Variants in VGLL4 observed in about 807,000 individuals in gnomAD.
VGLL4 encodes the protein vestigial like family member 4, also known as transcription cofactor vestigial-like protein 4.
VGLL4 carries 7 observed loss-of-function variants against 21.0 expected under a neutral mutation model. The observed-to-expected ratio is 0.33, with a 90% CI of 0.19 to 0.63. The LOEUF is 0.63. Ranked by LOEUF, VGLL4 falls within the 20% of genes least tolerant of loss-of-function variation. The pLI is 0.78. For synonymous variants in VGLL4, 222 were observed against 173.2 expected, an observed-to-expected ratio of 1.28 and a Z score of -2.21; for missense variants, 394 against 425.7, an observed-to-expected ratio of 0.93 and a Z score of 0.66.
chr3:11,586,142 A>C (rs2074356682), intron 2 of VGLL4, among the ~76,000 whole-genome samples: 1 of 152,238 alleles, frequency 6.6e-6, no homozygotes, highest in East Asian at 1.9e-4. Flanking sequence ...AAAAAATCTT[A>C]AAGTATAAAG....
intron 2 of VGLL4, among the ~76,000 whole-genome samples, chr3:11,583,433 G>A (rs1452181160): frequency 6.6e-6 from 1 of 152,160 alleles, no homozygotes; most frequent in Admixed American, 6.5e-5. Context: ...AATCTCAGGA[G>A]TGTAACTTTC....
Position 11,568,864 on chromosome 3 carries a change from C to T in VGLL4, c.273-3845G>A, listed in dbSNP as rs903076690. 9 of 1,370,832 alleles carry T rather than the reference C, an allele frequency of 6.6e-6. No homozygotes were observed. The highest frequency in any genetic ancestry group is 3.2e-5 in the Admixed American group (1 of 31,382). The allele number at this position is 1,370,832 out of a possible 1,614,324, so 84.9% of individuals were successfully genotyped here. A position where few individuals can be genotyped will look rare whatever the true frequency, so the allele number is the denominator to read the frequency against. On this transcript the variant is annotated intron_variant, in intron 2 of 4. Transcript: ENST00000430365. The surrounding 1 kb of genome is among the most constrained non-coding windows in gnomAD (Gnocchi z 5.9). ...GGCTCCGTGCCAGGCCTATCAGAGC[C>T]GCTGAGGCTGCACGGCACCCGGCCC... is the stretch of plus-strand genomic sequence containing the variant.
At chr3:11,693,387 C>G (rs1386924032) in intron 2 of VGLL4, among the ~76,000 whole-genome samples, 1 of 152,034 alleles carries the variant, frequency 6.6e-6, no homozygotes, top group Non-Finnish European at 1.5e-5. Flanking sequence ...ACCATATGCA[C>G]CAAATGGTAG....
At chr3:11,669,739 G>T (rs182585621) in intron 2 of VGLL4, among the ~76,000 whole-genome samples, 2 of 152,138 alleles carry the variant, frequency 1.3e-5, no homozygotes, top group Admixed American at 1.3e-4. Context: ...GAGAACAATG[G>T]TGTGATCACA....
chr3:11,626,386 ACT>A (rs1384661914), intron 1 of VGLL4: 1 of 456,842 alleles, frequency 2.2e-6, no homozygotes. Context: ...TCCAAGTGCC[ACT>A]CTTTTCTTCA....
intron 1 of VGLL4, among the ~76,000 whole-genome samples, chr3:11,605,512 G>A (rs1307091093): frequency 6.6e-6 from 1 of 151,790 alleles, no homozygotes; most frequent in Non-Finnish European, 1.5e-5. Flanking sequence ...CCATTCCACA[G>A]AGAACTTGTT....
chr3:11,634,517 A>T (rs972915615), intron 1 of VGLL4, among the ~76,000 whole-genome samples: 2 of 151,964 alleles, frequency 1.3e-5, no homozygotes, highest in African/African-American at 4.8e-5. Context: ...CTTCCAGTCC[A>T]TTCTCAAACT....
At chr3:11,624,646 C>T (rs2075320728) in intron 1 of VGLL4, among the ~76,000 whole-genome samples, 1 of 152,276 alleles carries the variant, frequency 6.6e-6, no homozygotes, top group African/African-American at 2.4e-5. Flanking sequence ...TCCTATAAGG[C>T]ATACAGTCAT....
intron 1 of VGLL4, among the ~76,000 whole-genome samples, chr3:11,703,550 T>C (rs914952812): frequency 1.3e-5 from 2 of 152,248 alleles, no homozygotes; most frequent in African/African-American, 2.4e-5. Context: ...CGTCATGTTT[T>C]GTATAATGGT....
chr3:11,651,940 A>T (rs2075878173), intron 2 of VGLL4, among the ~76,000 whole-genome samples: 2 of 152,284 alleles, frequency 1.3e-5, no homozygotes, highest in East Asian at 1.9e-4. Context: ...ATATCATTAA[A>T]CTATGTCTTA....
At chr3:11,686,688 A>C (rs1338342779) in intron 2 of VGLL4, among the ~76,000 whole-genome samples, 2 of 152,226 alleles carry the variant, frequency 1.3e-5, no homozygotes, top group Admixed American at 1.3e-4. Context: ...AATAAAAAAC[A>C]ATTTTTTAAT....
intron 2 of VGLL4, among the ~76,000 whole-genome samples, chr3:11,671,052 G>T (rs1156928208): frequency 1.3e-5 from 2 of 152,136 alleles, no homozygotes; most frequent in African/African-American, 4.8e-5. Context: ...TTTTAAAAAG[G>T]AGAGGGTGGT....
intron 1 of VGLL4, among the ~76,000 whole-genome samples, chr3:11,638,745 C>T (rs1395793489): frequency 2.0e-5 from 3 of 152,090 alleles, no homozygotes; most frequent in Non-Finnish European, 4.4e-5. Flanking sequence ...TTTTCACCTA[C>T]CCAAGCCTCC....
At chr3:11,567,466 A>G (rs974479538) in intron 2 of VGLL4, among the ~76,000 whole-genome samples, 1 of 152,210 alleles carries the variant, frequency 6.6e-6, no homozygotes, top group Admixed American at 6.5e-5. Flanking sequence ...CATTAAGACA[A>G]TCATGGAAGA....
intron 2 of VGLL4, among the ~76,000 whole-genome samples, chr3:11,700,539 A>C (rs2076667069): frequency 1.3e-5 from 2 of 149,900 alleles, no homozygotes; most frequent in African/African-American, 2.5e-5. Context: ...TTCTCCCTTC[A>C]CCCCCAAAAA....
At chr3:11,704,298 G>T (rs994854589) in intron 1 of VGLL4, among the ~76,000 whole-genome samples, 1 of 148,236 alleles carries the variant, frequency 6.7e-6, no homozygotes, top group African/African-American at 2.5e-5. Flanking sequence ...CAGGAAGATC[G>T]CTTGTACCCG....
intron 2 of VGLL4, among the ~76,000 whole-genome samples, chr3:11,593,300 A>G (rs761852991): frequency 6.6e-6 from 1 of 152,196 alleles, no homozygotes; most frequent in Admixed American, 6.5e-5. Flanking sequence ...CAGATACCAA[A>G]AACTACAGAT....
chr3:11,714,195 T>C (rs1575557258), intron 1 of VGLL4, among the ~76,000 whole-genome samples: 1 of 152,320 alleles, frequency 6.6e-6, no homozygotes, highest in East Asian at 1.9e-4. Flanking sequence ...TTCACGGCCC[T>C]ATGCAATGCT....
chr3:11,643,632 C>A lies in VGLL4; in HGVS notation c.-114G>T. ...CTCTTCAACTTCACAAAGGCAGAGGCCCAGCCTCAGACTATCAAAACAAAG... is the reference window on the plus strand; with the variant it reads ...CTCTTCAACTTCACAAAGGCAGAGGACCAGCCTCAGACTATCAAAACAAAG... On this transcript the variant is annotated 5_prime_UTR_variant, in exon 1 of 5. Coordinates refer to ENST00000430365, the MANE Select transcript of VGLL4 (RefSeq NM_001128219.3). 2 of 1,554,342 alleles carry A rather than the reference C, an allele frequency of 1.3e-6. No individual in the cohort carries two copies. Among genetic ancestry groups the A allele is most frequent in the Non-Finnish European group, 1.7e-6 (2 of 1,156,690 alleles).
Sources: allele counts gnomAD v4.1 joint callset (sites outside exome capture counted in the v4.1 genomes callset), GRCh38; gene constraint gnomAD v4.1.1; non-coding constraint Gnocchi (gnomAD v3.1); transcripts MANE v1.5; gene names NCBI Gene and HGNC (gene_info 2026-07-23, HGNC 2026-07-21).